The following YPEL5 variants were observed in gnomAD, a reference collection of about 807,000 sequenced individuals.
The protein encoded by YPEL5 is yippee like 5.
In YPEL5, 1 loss-of-function variant was observed where a neutral mutation model predicts 10.5. The observed-to-expected ratio is 0.10, with a 90% CI of 0.03 to 0.45. The LOEUF (loss-of-function observed/expected upper bound fraction) is 0.45, where lower values mean the gene tolerates loss of function less well. Among genes scored for constraint, YPEL5 ranks in the 20% least tolerant of loss-of-function variants. The pLI is 0.97. For synonymous variants in YPEL5, 61 were observed against 56.6 expected (o/e 1.08, Z -0.35); for missense variants, 68 against 159.3 (o/e 0.43, Z 3.09).
chr2:30,154,487 G>T (rs1421904860), intron 1 of YPEL5, among the ~76,000 whole-genome samples: 1 of 152,188 alleles, frequency 6.6e-6, no homozygotes, highest in Non-Finnish European at 1.5e-5. Context: ...GAGAATATGT[G>T]CCCTCCCCAT....
intron 1 of YPEL5, chr2:30,148,014 G>C (rs1418011524): frequency 1.3e-5 from 2 of 152,150 alleles, no homozygotes; most frequent in Non-Finnish European, 2.9e-5. Flanking sequence ...CGCCAGCTTC[G>C]GGCTGCGGCC....
chr2:30,150,334 C>T (rs1433785847), intron 1 of YPEL5, among the ~76,000 whole-genome samples: 1 of 152,214 alleles, frequency 6.6e-6, no homozygotes, highest in Admixed American at 6.5e-5. Flanking sequence ...TCTCAGAATA[C>T]AGTATCTCCA....
At chr2:30,151,157 C>A (rs542222298) in intron 1 of YPEL5, among the ~76,000 whole-genome samples, 2 of 152,086 alleles carry the variant, frequency 1.3e-5, no homozygotes, top group Non-Finnish European at 2.9e-5. Context: ...GTAAAATAAA[C>A]CAATAGTCTT....
Position 30,159,014 on chromosome 2 carries a change from G to T in YPEL5, c.*171G>T. ...CTTTCTTTCTTTTTTTTTAAATTTT[G>T]TATTTTCCATCCAACAGCAGTGTGT... On this transcript the variant is annotated 3_prime_UTR_variant, in exon 3 of 3. Coordinates refer to ENST00000261353, the MANE Select transcript of YPEL5 (RefSeq NM_016061.3). 1 of 685,896 alleles carries T rather than the reference G, an allele frequency of 1.5e-6. No homozygotes were observed. The highest frequency in any genetic ancestry group is 1.8e-5 in the African/African-American group (1 of 55,392). The allele number at this position is 685,896 out of a possible 1,614,324, so 42.5% of individuals were successfully genotyped here.
chr2:30,157,764 C>G (rs1035980070), intron 2 of YPEL5, among the ~76,000 whole-genome samples: 1 of 152,212 alleles, frequency 6.6e-6, no homozygotes, highest in Non-Finnish European at 1.5e-5. Flanking sequence ...CTCCTCTGTT[C>G]CATGTAGAAG....
Position 30,159,047 on chromosome 2 carries a change from ATAT to A in YPEL5, c.*208_*210del. The A allele has an allele frequency of 3.4e-6, 2 of 581,674 alleles. No individual in the cohort carries two copies. The highest frequency in any genetic ancestry group is 5.8e-5 in the East Asian group (2 of 34,578). 36.0% of individuals were successfully genotyped at this position (581,674 alleles called of 1,614,324 possible). A position where few individuals can be genotyped will look rare whatever the true frequency, so the allele number is the denominator to read the frequency against. On this transcript the variant is annotated 3_prime_UTR_variant, in exon 3 of 3. Transcript: ENST00000261353. The stretch of plus-strand genomic sequence containing the variant: ...CATCCAACAGCAGTGTGTAGAGAGA[ATAT>A]TATGCAGATGCCGTTAATTTTTTAC...
intron 1 of YPEL5, among the ~76,000 whole-genome samples, chr2:30,150,200 T>C (rs1675717903): frequency 6.6e-6 from 1 of 152,246 alleles, no homozygotes; most frequent in African/African-American, 2.4e-5. Flanking sequence ...TTGTTATTGT[T>C]TCATATCCTT....
chr2:30,147,162 G>A (rs1391641783), intron 1 of YPEL5, 100 bp downstream of exon 1: 1 of 152,330 alleles, frequency 6.6e-6, no homozygotes, highest in East Asian at 1.9e-4. Context: ...CCCAGGGTGG[G>A]GGGCCCAGGC....
At position 30,157,282 on chromosome 2, in the gene YPEL5, C is replaced by CA. The variant is rs529164436; in HGVS notation, c.141+504dup. ...TAGGCAACAGAGTGAGACTCAGTCTCAAAAAAAAAAAAAAGTATAAAGAAG... is the reference window on the plus strand; with the variant it reads ...TAGGCAACAGAGTGAGACTCAGTCTCAAAAAAAAAAAAAAAGTATAAAGAAG... On this transcript the variant is annotated intron_variant, in intron 2 of 2. Coordinates refer to ENST00000261353, the MANE Select transcript of YPEL5 (RefSeq NM_016061.3). Among the ~76,000 whole-genome samples, 756 of 124,736 alleles carry CA rather than the reference C, an allele frequency of 6.1e-3. 2 individuals are homozygous for CA. The highest frequency in any genetic ancestry group is 0.016 in the South Asian group (64 of 4,026). The allele number at this position is 124,736 out of a possible 152,430, so 81.8% of individuals were successfully genotyped here.
At chr2:30,156,488 G>T in intron 1 of YPEL5, 140 bp from the exon 2 acceptor site, 2 of 747,832 alleles carry the variant, frequency 2.7e-6, no homozygotes, top group Non-Finnish European at 4.3e-6. Flanking sequence ...TTTTGTTCAG[G>T]ATCAGCTATT....
At position 30,159,266 on chromosome 2, in the gene YPEL5, G is replaced by T; in HGVS notation, c.*423G>T. 1 of 176,702 alleles carries T rather than the reference G, an allele frequency of 5.7e-6. No individual in the cohort carries two copies. Among genetic ancestry groups the T allele is most frequent in the Non-Finnish European group, 1.2e-5 (1 of 82,248 alleles). The allele number at this position is 176,702 out of a possible 1,614,324, so 10.9% of individuals were successfully genotyped here. A position where few individuals can be genotyped will look rare whatever the true frequency, so the allele number is the denominator to read the frequency against. On this transcript the variant is annotated 3_prime_UTR_variant, in exon 3 of 3. Transcript: ENST00000261353. ...TTTTTTAAACCCAGTTATTTCACTT[G>T]ATTTGCTAGCTTCAGAGAAGAGATC...
intron 1 of YPEL5, among the ~76,000 whole-genome samples, chr2:30,152,850 GTTATATC>G (rs1030056650): frequency 2.3e-4 from 34 of 145,718 alleles, no homozygotes; most frequent in African/African-American, 8.1e-4. Context: ...TGATTCAAGT[GTTATATC>G]TTAGTATCTT....
At chr2:30,151,968 G>A (rs1400917900) in intron 1 of YPEL5, among the ~76,000 whole-genome samples, 2 of 152,218 alleles carry the variant, frequency 1.3e-5, no homozygotes, top group African/African-American at 4.8e-5. Flanking sequence ...CAGATCAGTG[G>A]TTGCCAGTGG....
chr2:30,153,256 G>A (rs544909709), intron 1 of YPEL5, among the ~76,000 whole-genome samples: 3 of 152,214 alleles, frequency 2.0e-5, no homozygotes, highest in South Asian at 4.1e-4. Flanking sequence ...CTCTAACAGG[G>A]TACTATAGAC....
chr2:30,149,748 A>G (rs919517849), intron 1 of YPEL5, among the ~76,000 whole-genome samples: 7 of 152,244 alleles, frequency 4.6e-5, no homozygotes, highest in African/African-American at 1.4e-4. Flanking sequence ...AGATGCCTGC[A>G]TACTCAGTTC....
At chr2:30,153,910 A>C (rs1029982143) in intron 1 of YPEL5, among the ~76,000 whole-genome samples, 1 of 152,236 alleles carries the variant, frequency 6.6e-6, no homozygotes, top group Admixed American at 6.5e-5. Flanking sequence ...GGCATGTTAA[A>C]TGTATTTACC....
At chr2:30,152,556 G>C (rs1675847806) in intron 1 of YPEL5, among the ~76,000 whole-genome samples, 1 of 152,330 alleles carries the variant, frequency 6.6e-6, no homozygotes, top group South Asian at 2.1e-4. Flanking sequence ...AGGAGGAACA[G>C]CATGGAAGCA....
intron 1 of YPEL5, among the ~76,000 whole-genome samples, chr2:30,150,958 C>G (rs1217090351): frequency 6.6e-6 from 1 of 152,078 alleles, no homozygotes; most frequent in African/African-American, 2.4e-5. Flanking sequence ...TGTCATATAT[C>G]TTGTGTCAGA....
intron 1 of YPEL5, among the ~76,000 whole-genome samples, chr2:30,151,514 C>T (rs1675793838): frequency 6.6e-6 from 1 of 152,092 alleles, no homozygotes; most frequent in Non-Finnish European, 1.5e-5. Flanking sequence ...TCATCCCAGC[C>T]CCTCACTGTT....
Sources: allele counts gnomAD v4.1 joint callset (sites outside exome capture counted in the v4.1 genomes callset), GRCh38; gene constraint gnomAD v4.1.1; transcripts MANE v1.5; gene names NCBI Gene and HGNC (gene_info 2026-07-23, HGNC 2026-07-21).